Variants in QSOX2 observed in about 807,000 individuals in gnomAD.
QSOX2 encodes quiescin sulfhydryl oxidase 2.
Under a neutral mutation model 61.7 loss-of-function variants are expected in QSOX2, and 46 were observed. That is an observed-to-expected ratio of 0.75 (90% CI 0.59 to 0.95). The LOEUF is 0.95. Ranked by LOEUF, QSOX2 falls within the 40% of genes least tolerant of loss-of-function variation. QSOX2 has a pLI of 0.00. For synonymous variants in QSOX2, 383 were observed against 388.4 expected (o/e 0.99, Z 0.16); for missense variants, 879 against 918.9 (o/e 0.96, Z 0.56).
chr9:136,218,247 C>G (rs2131053950), intron 8 of QSOX2, among the ~76,000 whole-genome samples: 1 of 152,312 alleles, frequency 6.6e-6, no homozygotes, highest in African/African-American at 2.4e-5. Flanking sequence ...CAGGACCCCT[C>G]CCTGAACCTG....
At chr9:136,216,828 G>C in intron 8 of QSOX2, 106 bp from the exon 9 acceptor site, 1 of 1,396,390 alleles carries the variant, frequency 7.2e-7, no homozygotes, top group Non-Finnish European at 9.8e-7. Context: ...CCGCAGAGGG[G>C]CTGAACCTAG....
chr9:136,232,450 A>G (rs1830340171), intron 1 of QSOX2, among the ~76,000 whole-genome samples: 1 of 152,234 alleles, frequency 6.6e-6, no homozygotes, highest in African/African-American at 2.4e-5. Context: ...GCCTAGAAAT[A>G]TACAAAAAAT....
At position 136,223,015 on chromosome 9, in the gene QSOX2, C is replaced by T. The variant is rs1222975434; in HGVS notation, c.675+748G>A. ...CCAGGAGGGCAGCCAGGGCACAAAGCGAGACGGTCACAGTGCAGGTGTCTG... is the reference window on the plus strand; with the variant it reads ...CCAGGAGGGCAGCCAGGGCACAAAGTGAGACGGTCACAGTGCAGGTGTCTG... On this transcript the variant is annotated intron_variant, in intron 5 of 11. Coordinates refer to ENST00000358701, the MANE Select transcript of QSOX2 (RefSeq NM_181701.4). The surrounding 1 kb of genome is among the most constrained non-coding windows in gnomAD (Gnocchi z 4.4). Among the ~76,000 whole-genome samples the T allele has an allele frequency of 1.3e-5, 2 of 152,334 alleles. No homozygotes were observed. Among genetic ancestry groups the T allele is most frequent in the Admixed American group, 6.5e-5 (1 of 15,306 alleles).
rs1280081977 is a variant in QSOX2, at chr9:136,208,838, G to A, written c.1987C>T (p.Leu663Phe). 2 of 1,613,938 alleles carry A rather than the reference G, an allele frequency of 1.2e-6. No individual in the cohort carries two copies. Among genetic ancestry groups the A allele is most frequent in the Admixed American group, 1.7e-5 (1 of 60,008 alleles). ...GVDFSSLDMS[L>F]CVVLYVASSL... ...GAAGCCACGTACAGCACGACACAGA[G>A]ACTCATGTCCAGGCTGGAGAAGTCA... Residue 663 changes from leucine (L) to phenylalanine (F), a missense_variant, in exon 12 of 12, where the codon CTC (leucine) becomes TTC (phenylalanine). Transcript: ENST00000358701.
chr9:136,221,056 AGG>A lies in QSOX2; in HGVS notation c.821+738_821+739del, dbSNP rs1564292198. Among the ~76,000 whole-genome samples the A allele has an allele frequency of 4.5e-4, 67 of 149,518 alleles. 1 individual carries two copies. In the East Asian group the frequency reaches 0.011, roughly 24 times the overall value. On this transcript the variant is annotated intron_variant, in intron 6 of 11. Transcript: ENST00000358701. The surrounding 1 kb of genome is among the most constrained non-coding windows in gnomAD (Gnocchi z 4.5). ...AGGGGCACACAGGCACTCCACGCAG[AGG>A]CAAAGGGCTTATCCTCATGAGGGGC...
Position 136,238,298 on chromosome 9 carries a change from C to T in QSOX2, c.328+7178G>A, listed in dbSNP as rs142914912. 3.1e-3 allele frequency among the ~76,000 whole-genome samples: 476 copies of T among 152,326 alleles called. 4 individuals carry two copies. Among genetic ancestry groups the T allele is most frequent in the Admixed American group, 7.6e-3 (116 of 15,308 alleles). On this transcript the variant is annotated intron_variant, in intron 1 of 11. Transcript: ENST00000358701. ...ACAAGAGCCGTGCCCTGGGCAGGAGCGAAACACGCTGCTCCGCATCTCAGG... is the reference window on the plus strand; with the variant it reads ...ACAAGAGCCGTGCCCTGGGCAGGAGTGAAACACGCTGCTCCGCATCTCAGG...
intron 1 of QSOX2, among the ~76,000 whole-genome samples, chr9:136,229,600 C>T (rs1241396680): frequency 6.6e-6 from 1 of 152,184 alleles, no homozygotes; most frequent in Non-Finnish European, 1.5e-5. Context: ...ACAACAGAAT[C>T]ACGGCCGTGT....
At position 136,208,531 on chromosome 9, in the gene QSOX2, A is replaced by G; in HGVS notation, c.*197T>C. 2 of 610,382 alleles carry G rather than the reference A, an allele frequency of 3.3e-6. No individual in the cohort carries two copies. The highest frequency in any genetic ancestry group is 5.2e-5 in the South Asian group (2 of 38,678). 37.8% of individuals were successfully genotyped at this position (610,382 alleles called of 1,614,324 possible). A position where few individuals can be genotyped will look rare whatever the true frequency, so the allele number is the denominator to read the frequency against. Reference sequence around the variant, plus strand: ...GTACGCCAGGAATGCAAATATCCCCACAAAATTACCCCGTGTTCTTCCCTT... The same window carrying G: ...GTACGCCAGGAATGCAAATATCCCCGCAAAATTACCCCGTGTTCTTCCCTT... On this transcript the variant is annotated 3_prime_UTR_variant, in exon 12 of 12. Coordinates refer to ENST00000358701, the MANE Select transcript of QSOX2 (RefSeq NM_181701.4).
Position 136,245,581 on chromosome 9 carries a change from T to C in QSOX2, c.223A>G (p.Thr75Ala). Residue 75 changes from threonine to alanine, a missense_variant, in exon 1 of 12, where the codon ACC becomes GCC. Transcript: ENST00000358701. ...AGCCACGCGGCCGAGCTGTTGGCGGTGGCCCCGCGCACGCTGCCGCTGTCC... is the reference window on the plus strand; with the variant it reads ...AGCCACGCGGCCGAGCTGTTGGCGGCGGCCCCGCGCACGCTGCCGCTGTCC... ...VLDSGSVRGA[T>A]ANSSAAWLVQ... is the part of the protein sequence containing the mutation. 6.3e-7 allele frequency: 1 copy of C among 1,577,120 alleles called. No individual in the cohort carries two copies. The highest frequency in any genetic ancestry group is 8.5e-7 in the Non-Finnish European group (1 of 1,171,066).
chr9:136,244,823 A>G (rs1830457742), intron 1 of QSOX2, among the ~76,000 whole-genome samples: 1 of 152,212 alleles, frequency 6.6e-6, no homozygotes, highest in South Asian at 2.1e-4. Flanking sequence ...GGAGCCCACC[A>G]ATGAAATTCT....
chr9:136,213,263 T>TC (rs1165247711), intron 10 of QSOX2, among the ~76,000 whole-genome samples: 2 of 136,322 alleles, frequency 1.5e-5, no homozygotes, highest in African/African-American at 5.5e-5. Context: ...TTTTTTTTTT[T>TC]TTGAGACAGT....
chr9:136,229,159 A>T (rs1019114145), intron 1 of QSOX2, among the ~76,000 whole-genome samples: 1 of 152,252 alleles, frequency 6.6e-6, no homozygotes, highest in African/African-American at 2.4e-5. Context: ...TGGCTAAGTG[A>T]AACCAATTCA....
chr9:136,232,048 T>C (rs1291690990), intron 1 of QSOX2, among the ~76,000 whole-genome samples: 1 of 152,152 alleles, frequency 6.6e-6, no homozygotes, highest in Non-Finnish European at 1.5e-5. Context: ...ACTAAGGAAG[T>C]CCTCACTTCG....
intron 10 of QSOX2, among the ~76,000 whole-genome samples, chr9:136,212,926 T>C (rs544008982): frequency 2.6e-4 from 40 of 152,258 alleles, no homozygotes; most frequent in Non-Finnish European, 5.0e-4. Context: ...GCTTCCAATA[T>C]GCTGATGGGC....
At position 136,211,465 on chromosome 9, in the gene QSOX2, A is replaced by G; in HGVS notation, c.1361-13T>C. ...TCGTCTTCAAAGCCTGCAGGGGAAG[A>G]AACACTGCTGACAACGGCAGGTGCG... On this transcript the variant is annotated splice_polypyrimidine_tract_variant and intron_variant, in intron 10 of 11. Transcript: ENST00000358701. The G allele has an allele frequency of 6.2e-7, 1 of 1,611,550 alleles. No homozygotes were observed. The highest frequency in any genetic ancestry group is 8.5e-7 in the Non-Finnish European group (1 of 1,177,898).
chr9:136,211,979 G>T (rs567030105), intron 10 of QSOX2, among the ~76,000 whole-genome samples: 1 of 152,376 alleles, frequency 6.6e-6, no homozygotes, highest in African/African-American at 2.4e-5. Context: ...TGGGGACACG[G>T]CCTTAGGAAG....
At chr9:136,227,212 C>G (rs377544171) in intron 1 of QSOX2, among the ~76,000 whole-genome samples, 1 of 152,192 alleles carries the variant, frequency 6.6e-6, no homozygotes, top group Non-Finnish European at 1.5e-5. Context: ...TGTCAGCGGC[C>G]GGCACTTAAG....
chr9:136,224,709 T>C, intron 3 of QSOX2, 152 bp downstream of exon 3: 1 of 500,218 alleles, frequency 2.0e-6, no homozygotes, highest in Non-Finnish European at 3.6e-6. Context: ...AAACTATTAA[T>C]ATCTGAACTC....
At chr9:136,210,447 C>A in intron 11 of QSOX2, 1 of 985,402 alleles carries the variant, frequency 1.0e-6, no homozygotes, top group Non-Finnish European at 1.2e-6. Context: ...GGGTCCTGGT[C>A]CCACTGCCTC....
Sources: allele counts gnomAD v4.1 joint callset (sites outside exome capture counted in the v4.1 genomes callset), GRCh38; gene constraint gnomAD v4.1.1; non-coding constraint Gnocchi (gnomAD v3.1); transcripts MANE v1.5; gene names NCBI Gene and HGNC (gene_info 2026-07-23, HGNC 2026-07-21).